The following RFX8 variants were observed in gnomAD, a reference collection of about 807,000 sequenced individuals.
The protein encoded by RFX8 is DNA-binding protein RFX8.
Under a neutral mutation model 54.6 loss-of-function variants are expected in RFX8, and 46 were observed. That is an observed-to-expected ratio of 0.84 (90% CI 0.67 to 1.08). RFX8 has a LOEUF of 1.08. RFX8 is among the 50% of genes least tolerant of loss of function. RFX8 has a pLI of 0.00. For synonymous variants in RFX8, 192 were observed against 209.5 expected (o/e 0.92, Z 0.72); for missense variants, 536 against 562.3 (o/e 0.95, Z 0.47).
intron 2 of RFX8, among the ~76,000 whole-genome samples, chr2:101,437,054 G>T (rs1305245055): frequency 6.6e-6 from 1 of 152,182 alleles, no homozygotes; most frequent in Non-Finnish European, 1.5e-5. Flanking sequence ...GGCCTGTCAT[G>T]ATGTCTTTTC....
rs1165765294 is a variant in RFX8, at chr2:101,412,922, C to T, written c.711G>A (p.Glu237=). Residue 237 remains glutamate, a synonymous_variant, in exon 8 of 12, where the codon GAG becomes GAA. Transcript: ENST00000428343. The part of the protein sequence containing the change: ...SGADELENNP[E]MKCLRNLISL... ...CTGCAGAAGGAAGATTACATTTCAT[C>T]TCTGGGTTGTTCTCCAGTTCATCTG... The T allele has an allele frequency of 6.5e-7, 1 of 1,550,218 alleles. No individual in the cohort carries two copies. The highest frequency in any genetic ancestry group is 8.7e-7 in the Non-Finnish European group (1 of 1,146,556).
chr2:101,403,385 A>C (rs1200733703), intron 10 of RFX8, among the ~76,000 whole-genome samples: 4 of 152,214 alleles, frequency 2.6e-5, no homozygotes, highest in Non-Finnish European at 5.9e-5. Context: ...AAAGGAAAAC[A>C]ATCATTAATG....
At position 101,418,895 on chromosome 2, in the gene RFX8, C is replaced by G; in HGVS notation, c.307G>C (p.Asp103His). The G allele has an allele frequency of 6.4e-7, 1 of 1,551,662 alleles. No individual in the cohort carries two copies. Among genetic ancestry groups the G allele is most frequent in the Non-Finnish European group, 8.7e-7 (1 of 1,146,916 alleles). The change falls in exon 5 of 12, where the codon GAC (aspartate) becomes CAC (histidine). Residue 103 changes from aspartate (D) to histidine (H), a missense_variant. By Grantham distance (81) the Asp-to-His change is moderately conservative. Coordinates refer to ENST00000428343, the MANE Select transcript of RFX8 (RefSeq NM_001145664.2). Reference sequence around the variant, plus strand: ...TAGCATTTAAAGAGCTGGCACACGTCAGGCAATGACATCAGCATGACTGTG... The same window carrying G: ...TAGCATTTAAAGAGCTGGCACACGTGAGGCAATGACATCAGCATGACTGTG... ...QDTVMLMSLP[D>H]VCQLFKCYDV...
intron 2 of RFX8, among the ~76,000 whole-genome samples, chr2:101,429,876 G>C (rs1308953707): frequency 1.3e-5 from 2 of 152,190 alleles, no homozygotes; most frequent in African/African-American, 4.8e-5. Context: ...GAGTCAGAGG[G>C]GAGGTAGAGG....
Position 101,454,748 on chromosome 2 carries a change from GT to G in RFX8, c.72+12028del, listed in dbSNP as rs377453130. Among the ~76,000 whole-genome samples, 869 of 152,154 alleles carry G rather than the reference GT, an allele frequency of 5.7e-3. 9 individuals carry two copies. Among genetic ancestry groups the G allele is most frequent in the Middle Eastern group, 0.041 (12 of 294 alleles). ...TACCCACTTTTTGATGGGGTTGTTTGTTTTTTTCTTGTAAATTTGTTTAAGT... is the reference window on the plus strand; with the variant it reads ...TACCCACTTTTTGATGGGGTTGTTTGTTTTTTCTTGTAAATTTGTTTAAGT... On this transcript the variant is annotated intron_variant, in intron 2 of 11. Coordinates refer to ENST00000428343, the MANE Select transcript of RFX8 (RefSeq NM_001145664.2).
chr2:101,452,471 G>T, intron 2 of RFX8: 1 of 1,249,094 alleles, frequency 8.0e-7, no homozygotes, highest in Non-Finnish European at 1.0e-6. Flanking sequence ...CAGATTTAAA[G>T]TTGCAACTTG....
rs774610478 is a variant in RFX8, at chr2:101,402,764, T to C, written c.929-12A>G. On this transcript the variant is annotated splice_polypyrimidine_tract_variant and intron_variant, in intron 10 of 11. Transcript: ENST00000428343. ...CAGATGCCAGGAGCCTACATTTAGA[T>C]AATAACCAAAAATGAATACATTTGA... The C allele has an allele frequency of 6.5e-6, 10 of 1,532,940 alleles. No homozygotes were observed. The highest frequency in any genetic ancestry group is 6.0e-5 in the South Asian group (5 of 82,782). 95.0% of individuals were successfully genotyped at this position (1,532,940 alleles called of 1,614,324 possible). A position where few individuals can be genotyped will look rare whatever the true frequency, so the allele number is the denominator to read the frequency against.
chr2:101,397,816 C>A (rs1410046446), intron 11 of RFX8, 92 bp from the exon 12 acceptor site: 3 of 1,073,726 alleles, frequency 2.8e-6, no homozygotes, highest in Non-Finnish European at 2.6e-6. Flanking sequence ...TTCTACCAAG[C>A]CCGTGCTCCC....
At chr2:101,421,823 T>A (rs1260311357) in intron 3 of RFX8, 46 bp from the exon 4 acceptor site, 3 of 1,387,314 alleles carry the variant, frequency 2.2e-6, no homozygotes, top group African/African-American at 1.4e-5. Context: ...GCCTTTTCAA[T>A]AATGAACTGA....
At chr2:101,455,789 C>T (rs1470941753) in intron 2 of RFX8, among the ~76,000 whole-genome samples, 1 of 152,162 alleles carries the variant, frequency 6.6e-6, no homozygotes, top group Non-Finnish European at 1.5e-5. Context: ...GGCATTGAAT[C>T]TATAAATTAC....
At chr2:101,410,808 T>C in intron 8 of RFX8, 95 bp from the exon 9 acceptor site, 1 of 670,840 alleles carries the variant, frequency 1.5e-6, no homozygotes. Flanking sequence ...GAAACATCAC[T>C]GAACAATAGC....
At chr2:101,421,922 AT>A (rs957253742) in intron 3 of RFX8, 145 bp from the exon 4 acceptor site, 126 of 617,852 alleles carry the variant, frequency 2.0e-4, no homozygotes, top group South Asian at 3.5e-4. Flanking sequence ...GGGCCACAGC[AT>A]TTTTTTTGTT....
Position 101,474,518 on chromosome 2 carries a change from G to A in RFX8, c.-53+118C>T, listed in dbSNP as rs956994141. On this transcript the variant is annotated intron_variant, in intron 1 of 11. Coordinates refer to ENST00000428343, the MANE Select transcript of RFX8 (RefSeq NM_001145664.2). ...CCCCCGCGCCCCGCCGAGGATGCGC[G>A]GACCCCGCCCTGCATCCTGCGGTGT... 5 of 329,404 alleles carry A rather than the reference G, an allele frequency of 1.5e-5. No homozygotes were observed. The Admixed American group carries it at 2.0e-4, about 13-fold the overall frequency. 20.4% of individuals were successfully genotyped at this position (329,404 alleles called of 1,614,324 possible).
In RFX8 at chr2:101,434,230, CA is replaced by C. The variant is rs370775778; in HGVS notation, c.73-11759del. Among the ~76,000 whole-genome samples, 41 of 150,584 alleles carry C rather than the reference CA, an allele frequency of 2.7e-4. 2 individuals carry two copies. The highest frequency in any genetic ancestry group is 8.3e-4 in the African/African-American group (34 of 41,042). ...TTTTAAGATGGAATCACATGTGTGA[CA>C]AAAAAAAATGTACACAAGAAGCAAA... On this transcript the variant is annotated intron_variant, in intron 2 of 11. Coordinates refer to ENST00000428343, the MANE Select transcript of RFX8 (RefSeq NM_001145664.2).
At chr2:101,412,886 A>T (rs756846925) in intron 8 of RFX8, 29 bp downstream of exon 8, 1 of 1,540,436 alleles carries the variant, frequency 6.5e-7, no homozygotes, top group South Asian at 1.2e-5. Flanking sequence ...CCAACACGCC[A>T]ATAAAGCAAG....
intron 2 of RFX8, 47 bp downstream of exon 2, chr2:101,466,730 T>G: frequency 1.5e-6 from 2 of 1,341,974 alleles, no homozygotes; most frequent in Non-Finnish European, 2.1e-6. Flanking sequence ...CTTGCTTCCC[T>G]TTTTTGCACT....
intron 2 of RFX8, among the ~76,000 whole-genome samples, chr2:101,456,239 C>T (rs1317460149): frequency 6.6e-6 from 1 of 152,182 alleles, no homozygotes; most frequent in East Asian, 1.9e-4. Flanking sequence ...GCCAGAACTT[C>T]CAACACTATG....
intron 2 of RFX8, among the ~76,000 whole-genome samples, chr2:101,443,470 T>C (rs977516282): frequency 2.6e-5 from 4 of 152,220 alleles, no homozygotes; most frequent in Non-Finnish European, 4.4e-5. Context: ...TCAAAAAGTA[T>C]CTGTGGTAGC....
Position 101,410,619 on chromosome 2 carries a change from C to G in RFX8, c.813G>C (p.Gln271His). ...TTTTTTTTAAGTCACAGCTTCCTAC[C>G]TGGAACACAAATGCTTGGAGATGTG... Reference protein sequence around the residue: ...LSSHLQAFVFQTSRSKEEFTK... With the variant: ...LSSHLQAFVFHTSRSKEEFTK... The change falls in exon 9 of 12, where the codon CAG (glutamine) becomes CAC (histidine). Residue 271 changes from glutamine (Q) to histidine (H), a missense_variant and splice_region_variant. Gln to His is a conservative substitution (Grantham distance 24, BLOSUM62 0). Coordinates refer to ENST00000428343, the MANE Select transcript of RFX8 (RefSeq NM_001145664.2). 6.7e-7 allele frequency: 1 copy of G among 1,495,472 alleles called. No individual in the cohort carries two copies. The highest frequency in any genetic ancestry group is 9.1e-7 in the Non-Finnish European group (1 of 1,101,516). The allele number at this position is 1,495,472 out of a possible 1,614,324, so 92.6% of individuals were successfully genotyped here.
Sources: allele counts gnomAD v4.1 joint callset (sites outside exome capture counted in the v4.1 genomes callset), GRCh38; gene constraint gnomAD v4.1.1; transcripts MANE v1.5; gene names NCBI Gene and HGNC (gene_info 2026-07-23, HGNC 2026-07-21).